Variants in EPN2 observed in about 807,000 individuals in gnomAD.
EPN2 encodes the protein epsin-2.
A neutral mutation model predicts 61.7 loss-of-function variants in EPN2; 34 were observed. That is an observed-to-expected ratio of 0.55 (90% CI 0.42 to 0.73). The LOEUF (loss-of-function observed/expected upper bound fraction) is 0.73, where lower values mean the gene tolerates loss of function less well. Among genes scored for constraint, EPN2 ranks in the 30% least tolerant of loss-of-function variants. The probability of loss-of-function intolerance (pLI) is 0.00; values close to 1 mark genes in which losing one functional copy is unlikely to be tolerated. For missense variants in EPN2, 714 were observed against 839.2 expected, an observed-to-expected ratio of 0.85 and a Z score of 1.84; for synonymous variants, 349 against 353.6, an observed-to-expected ratio of 0.99 and a Z score of 0.15.
In EPN2 at chr17:19,285,491, C is replaced by T. The variant is rs2045395277; in HGVS notation, c.596-129C>T. 1 of 1,329,316 alleles carries T rather than the reference C, an allele frequency of 7.5e-7. No homozygotes were observed. The highest frequency in any genetic ancestry group is 1.5e-5 in the African/African-American group (1 of 66,180). The allele number at this position is 1,329,316 out of a possible 1,614,324, so 82.3% of individuals were successfully genotyped here. ...GTCAGAATGTGGTCAGTGGGCTTTT[C>T]ACAGCTTCCACCGCAGTGGGCTGCG... is the stretch of plus-strand genomic sequence containing the variant. On this transcript the variant is annotated intron_variant, in intron 3 of 10. Coordinates refer to ENST00000314728, the MANE Select transcript of EPN2 (RefSeq NM_014964.5). This position sits in a 1 kb window ranked among gnomAD's most constrained non-coding sequence, Gnocchi z 4.5.
Position 19,329,678 on chromosome 17 carries a change from C to T in EPN2, c.1411+31C>T, listed in dbSNP as rs117492904. 3.6e-4 allele frequency: 474 copies of T among 1,328,804 alleles called. 2 individuals are homozygous for T. The East Asian group carries it at 0.01, about 29-fold the overall frequency. The allele number at this position is 1,328,804 out of a possible 1,614,324, so 82.3% of individuals were successfully genotyped here. A position where few individuals can be genotyped will look rare whatever the true frequency, so the allele number is the denominator to read the frequency against. On this transcript the variant is annotated intron_variant, in intron 9 of 10. Transcript: ENST00000314728. Reference sequence around the variant, plus strand: ...TACAGGTGATGATGGTTTCCATAATCCTCCGTGCATTTGACCAGCTGAGTT... The same window carrying T: ...TACAGGTGATGATGGTTTCCATAATTCTCCGTGCATTTGACCAGCTGAGTT...
intron 4 of EPN2, among the ~76,000 whole-genome samples, chr17:19,303,345 G>C (rs1409561041): frequency 6.6e-6 from 1 of 152,148 alleles, no homozygotes; most frequent in Admixed American, 6.5e-5. Flanking sequence ...CTGCTGATCA[G>C]CCTAATGTGA....
chr17:19,302,418 A>G (rs1444291059), intron 4 of EPN2, among the ~76,000 whole-genome samples: 3 of 152,190 alleles, frequency 2.0e-5, no homozygotes, highest in African/African-American at 7.2e-5. Flanking sequence ...CACTTGCATT[A>G]CTGTCTGAGC....
intron 1 of EPN2, among the ~76,000 whole-genome samples, chr17:19,241,227 A>C (rs2044880918): frequency 6.6e-6 from 1 of 152,162 alleles, no homozygotes. Context: ...TGGGAAGAGC[A>C]CATTTGTTTT....
At chr17:19,240,589 C>A (rs1447194708) in intron 1 of EPN2, among the ~76,000 whole-genome samples, 2 of 152,160 alleles carry the variant, frequency 1.3e-5, no homozygotes, top group Non-Finnish European at 2.9e-5. Context: ...TGAGGAATTA[C>A]GTAGTTTGTA....
At chr17:19,303,397 C>T (rs964332512) in intron 4 of EPN2, among the ~76,000 whole-genome samples, 3 of 152,236 alleles carry the variant, frequency 2.0e-5, no homozygotes, top group African/African-American at 7.2e-5. Flanking sequence ...CATCCTGTCC[C>T]TGCAGTCTGT....
At chr17:19,250,245 C>G (rs1182405023) in intron 1 of EPN2, among the ~76,000 whole-genome samples, 1 of 151,974 alleles carries the variant, frequency 6.6e-6, no homozygotes, top group Non-Finnish European at 1.5e-5. Context: ...CAGGTGTGCG[C>G]GACCATGCCT....
chr17:19,284,444 A>G (rs2045385626), intron 3 of EPN2, among the ~76,000 whole-genome samples: 1 of 152,192 alleles, frequency 6.6e-6, no homozygotes, highest in South Asian at 2.1e-4. Context: ...GTGGTCCCCC[A>G]ACAGGTGTTT....
At chr17:19,320,195 T>C (rs1471194682) in intron 7 of EPN2, among the ~76,000 whole-genome samples, 1 of 152,222 alleles carries the variant, frequency 6.6e-6, no homozygotes, top group East Asian at 1.9e-4. Flanking sequence ...ACTCAGGGGA[T>C]GTGGTCACCC....
At chr17:19,268,491 A>T (rs2045222713) in intron 1 of EPN2, among the ~76,000 whole-genome samples, 1 of 152,156 alleles carries the variant, frequency 6.6e-6, no homozygotes, top group South Asian at 2.1e-4. Flanking sequence ...CACTCCCAGA[A>T]GTGTTGGGAT....
At chr17:19,292,254 G>T (rs1016012518) in intron 4 of EPN2, among the ~76,000 whole-genome samples, 12 of 152,158 alleles carry the variant, frequency 7.9e-5, no homozygotes, top group Non-Finnish European at 2.9e-5. Flanking sequence ...AGCAGGGCCC[G>T]CCCGGGGCTG....
intron 4 of EPN2, among the ~76,000 whole-genome samples, chr17:19,304,105 AAAATAAAT>A (rs59074991): frequency 6.6e-6 from 1 of 151,354 alleles, no homozygotes; most frequent in African/African-American, 2.4e-5. Flanking sequence ...TCCGTCTCAA[AAAATAAAT>A]AAATAAATAA....
At chr17:19,326,041 C>G (rs553415984) in intron 7 of EPN2, among the ~76,000 whole-genome samples, 2 of 152,038 alleles carry the variant, frequency 1.3e-5, no homozygotes, top group African/African-American at 2.4e-5. Context: ...ATAAATCTTA[C>G]AAAAGTTGTA....
intron 1 of EPN2, among the ~76,000 whole-genome samples, chr17:19,266,921 T>C (rs1396769169): frequency 6.8e-6 from 1 of 146,228 alleles, no homozygotes; most frequent in African/African-American, 2.5e-5. Context: ...GCACGGTGGC[T>C]CAGGCCTGTA....
Position 19,282,969 on chromosome 17 carries a change from C to T in EPN2, c.-151C>T, listed in dbSNP as rs1014576899. 3 of 619,396 alleles carry T rather than the reference C, an allele frequency of 4.8e-6. No homozygotes were observed. Among genetic ancestry groups the T allele is most frequent in the South Asian group, 2.1e-5 (1 of 46,618 alleles). 38.4% of individuals were successfully genotyped at this position (619,396 alleles called of 1,614,324 possible). On this transcript the variant is annotated 5_prime_UTR_variant, in exon 3 of 11. Transcript: ENST00000314728. ...CTCTAGGTCATGGCTTCCAGCTTTT[C>T]GAATCTGAGGCTCCAAAGGAGGAAA...
chr17:19,335,004 C>T lies in EPN2; in HGVS notation c.*750C>T, dbSNP rs539018781. ...GTCTGGCTGAATGAAGATGTTGGCA[C>T]GTGTCATTTTAGTGGTTTAAATCCT... On this transcript the variant is annotated 3_prime_UTR_variant, in exon 11 of 11. Transcript: ENST00000314728. 5.4e-4 allele frequency: 85 copies of T among 157,384 alleles called. No homozygotes were observed. Among genetic ancestry groups the T allele is most frequent in the Non-Finnish European group, 9.1e-4 (65 of 71,360 alleles). 9.7% of individuals were successfully genotyped at this position (157,384 alleles called of 1,614,324 possible).
rs569634659 is a variant in EPN2, at chr17:19,300,166, G to A, written c.767-9719G>A. Among the ~76,000 whole-genome samples, 19 of 152,316 alleles carry A rather than the reference G, an allele frequency of 1.2e-4. 1 individual carries two copies. Among genetic ancestry groups the A allele is most frequent in the African/African-American group, 4.6e-4 (19 of 41,574 alleles). On this transcript the variant is annotated intron_variant, in intron 4 of 10. Transcript: ENST00000314728. ...TGTCCGGAGAAGCGGAGGGGCCAAG[G>A]AAGGAGGCTGACAAATCCAGTTTCT... is the stretch of plus-strand genomic sequence containing the variant.
rs9912089 is a variant in EPN2 at position 19,289,610 on chromosome 17, C to T, written c.766+3820C>T. ...ACGCAAGTGGAGGTGTCAAGAAGGT[C>T]TGAGAAGTCTGGAGTTGGGGGGAGA... On this transcript the variant is annotated intron_variant, in intron 4 of 10. Coordinates refer to ENST00000314728, the MANE Select transcript of EPN2 (RefSeq NM_014964.5). Among the ~76,000 whole-genome samples, 257 of 151,800 alleles carry T rather than the reference C, an allele frequency of 1.7e-3. 1 individual carries two copies. The highest frequency in any genetic ancestry group is 3.4e-3 in the Middle Eastern group (1 of 292).
intron 4 of EPN2, among the ~76,000 whole-genome samples, chr17:19,289,939 TTGAACCCC>T (rs2045446663): frequency 6.6e-6 from 1 of 151,948 alleles, no homozygotes; most frequent in Non-Finnish European, 1.5e-5. Context: ...TGGCCAGGTC[TTGAACCCC>T]TGACCTCAAG....
Sources: gnomAD v4.1 joint callset for allele counts (sites outside exome capture counted in the v4.1 genomes callset) on GRCh38, gnomAD v4.1.1 for gene constraint, Gnocchi (gnomAD v3.1) non-coding constraint, MANE v1.5 for transcripts, NCBI Gene and HGNC (gene_info 2026-07-23, HGNC 2026-07-21) for gene names.